HS3ST4: variants seen among roughly 807,000 people sequenced by gnomAD.
HS3ST4 encodes the protein heparan sulfate-glucosamine 3-sulfotransferase 4, also known as heparan sulfate glucosamine 3-O-sulfotransferase 4.
In HS3ST4, 17 loss-of-function variants were observed where a neutral mutation model predicts 29.2. The ratio of observed to expected loss-of-function variants is 0.58; its 90% confidence interval spans 0.40 to 0.87. The LOEUF (loss-of-function observed/expected upper bound fraction) is 0.87, where lower values mean the gene tolerates loss of function less well. HS3ST4 is among the 40% of genes least tolerant of loss of function. The pLI is 0.00. For missense variants in HS3ST4, 627 were observed against 634.5 expected (o/e 0.99, Z 0.13); for synonymous variants, 314 against 285.7 (o/e 1.10, Z -1.00).
intron 1 of HS3ST4, among the ~76,000 whole-genome samples, chr16:25,926,468 G>A (rs930869219): frequency 1.3e-5 from 2 of 152,254 alleles, no homozygotes; most frequent in Non-Finnish European, 2.9e-5. Context: ...AACAGTCTGT[G>A]TATGACTGGG....
intron 1 of HS3ST4, among the ~76,000 whole-genome samples, chr16:25,772,985 A>C (rs1966844271): frequency 6.6e-6 from 1 of 152,176 alleles, no homozygotes; most frequent in South Asian, 2.1e-4. Context: ...ATTCTTAAGA[A>C]AATTCTGGGA....
chr16:26,029,702 C>T (rs1045483877), intron 1 of HS3ST4, among the ~76,000 whole-genome samples: 21 of 152,204 alleles, frequency 1.4e-4, no homozygotes, highest in East Asian at 7.8e-4. Flanking sequence ...TGAGCCACTG[C>T]GCCTGGCAAT....
At chr16:26,128,800 T>A (rs924374226) in intron 1 of HS3ST4, among the ~76,000 whole-genome samples, 9 of 152,180 alleles carry the variant, frequency 5.9e-5, no homozygotes, top group African/African-American at 1.9e-4. Flanking sequence ...ATTGCCCTGC[T>A]CAGTGCTTGG....
At chr16:25,959,214 C>T (rs1346986903) in intron 1 of HS3ST4, among the ~76,000 whole-genome samples, 5 of 152,156 alleles carry the variant, frequency 3.3e-5, no homozygotes, top group East Asian at 1.9e-4. Context: ...AACCTGATCC[C>T]GTTCCTCTTG....
intron 1 of HS3ST4, among the ~76,000 whole-genome samples, chr16:25,828,285 T>C (rs1967249593): frequency 2.3e-4 from 22 of 97,038 alleles, no homozygotes; most frequent in Admixed American, 9.6e-4. Context: ...TCTTTCTTTC[T>C]TTCTTTCTTT....
intron 1 of HS3ST4, among the ~76,000 whole-genome samples, chr16:25,881,603 A>T (rs928984295): frequency 5.3e-5 from 8 of 152,194 alleles, no homozygotes; most frequent in Non-Finnish European, 1.0e-4. Context: ...GGTGTTTGGC[A>T]TGCAGACAGA....
chr16:25,698,852 G>C (rs546097848), intron 1 of HS3ST4, among the ~76,000 whole-genome samples: 5 of 152,168 alleles, frequency 3.3e-5, no homozygotes, highest in African/African-American at 9.7e-5. Context: ...CAGACAGGTC[G>C]TATAAATGAG....
chr16:26,009,813 A>G (rs1229663378), intron 1 of HS3ST4, among the ~76,000 whole-genome samples: 8 of 152,230 alleles, frequency 5.3e-5, no homozygotes, highest in Non-Finnish European at 7.3e-5. Flanking sequence ...GCTGGAAAGT[A>G]CAATTATCCT....
At chr16:25,976,793 C>T (rs58292851) in intron 1 of HS3ST4, among the ~76,000 whole-genome samples, 3,197 of 152,220 alleles carry the variant, frequency 0.021, 54 homozygotes, top group African/African-American at 0.051. Flanking sequence ...TTGGCTTTGA[C>T]GGCTACACAG....
chr16:26,028,286 A>AAAG (rs1969497350), intron 1 of HS3ST4, among the ~76,000 whole-genome samples: 1 of 150,702 alleles, frequency 6.6e-6, no homozygotes, highest in African/African-American at 2.5e-5. Flanking sequence ...AAAAAAAAAA[A>AAAG]AAAAAAAAAG....
chr16:25,972,974 G>C (rs1192457204), intron 1 of HS3ST4, among the ~76,000 whole-genome samples: 2 of 152,104 alleles, frequency 1.3e-5, no homozygotes, highest in Admixed American at 1.3e-4. Flanking sequence ...GTTTCCTACT[G>C]GATCAAATAC....
At chr16:25,815,415 C>T (rs1967083690) in intron 1 of HS3ST4, among the ~76,000 whole-genome samples, 1 of 152,176 alleles carries the variant, frequency 6.6e-6, no homozygotes. Flanking sequence ...CCTCCGCCTC[C>T]CAAGTTCAAG....
At chr16:25,772,227 C>A (rs2141611389) in intron 1 of HS3ST4, among the ~76,000 whole-genome samples, 1 of 152,348 alleles carries the variant, frequency 6.6e-6, no homozygotes, top group Middle Eastern at 3.4e-3. Flanking sequence ...TCAACATTAT[C>A]TTAGTTGCCT....
At chr16:26,094,419 G>T (rs1467137528) in intron 1 of HS3ST4, among the ~76,000 whole-genome samples, 3 of 152,174 alleles carry the variant, frequency 2.0e-5, no homozygotes, top group Non-Finnish European at 4.4e-5. Context: ...GGATCTCTTG[G>T]CAGAAACCCT....
At chr16:26,036,906 C>T (rs113528803) in intron 1 of HS3ST4, among the ~76,000 whole-genome samples, 1 of 152,222 alleles carries the variant, frequency 6.6e-6, no homozygotes, top group East Asian at 1.9e-4. Flanking sequence ...AGAACTGGAA[C>T]CAAGAACTGG....
intron 1 of HS3ST4, among the ~76,000 whole-genome samples, chr16:25,864,990 ACT>A (rs1967679807): frequency 1.5e-5 from 2 of 135,864 alleles, no homozygotes; most frequent in Non-Finnish European, 3.3e-5. Flanking sequence ...ACACATACAC[ACT>A]CACACACACA....
intron 1 of HS3ST4, among the ~76,000 whole-genome samples, chr16:26,053,103 T>C (rs764657223): frequency 2.0e-5 from 3 of 152,202 alleles, no homozygotes; most frequent in Non-Finnish European, 4.4e-5. Context: ...CTCTCTAAAC[T>C]TCAGAGTTCC....
chr16:26,105,878 C>T (rs1899049242), intron 1 of HS3ST4, among the ~76,000 whole-genome samples: 1 of 152,230 alleles, frequency 6.6e-6, no homozygotes, highest in African/African-American at 2.4e-5. Context: ...TGTATATAGT[C>T]TGGGACTGTC....
chr16:26,078,231 C>A (rs1432423693), intron 1 of HS3ST4, among the ~76,000 whole-genome samples: 1 of 152,144 alleles, frequency 6.6e-6, no homozygotes, highest in African/African-American at 2.4e-5. Context: ...AGCTCTGCCT[C>A]CCAGGTTCAT....
Sources: gnomAD v4.1 joint callset for allele counts (sites outside exome capture counted in the v4.1 genomes callset) on GRCh38, gnomAD v4.1.1 for gene constraint, MANE v1.5 for transcripts, NCBI Gene and HGNC (gene_info 2026-07-23, HGNC 2026-07-21) for gene names.